The following PRR16 variants were observed in gnomAD, a reference collection of about 807,000 sequenced individuals.
The protein encoded by PRR16 is protein Largen.
In PRR16, 6 loss-of-function variants were observed where a neutral mutation model predicts 18.2. That is an observed-to-expected ratio of 0.33 (90% CI 0.18 to 0.65). The LOEUF is 0.65. Ranked by LOEUF, PRR16 falls within the 30% of genes least tolerant of loss-of-function variation. The probability of loss-of-function intolerance (pLI) is 0.74; values close to 1 mark genes in which losing one functional copy is unlikely to be tolerated. For missense variants in PRR16, 412 were observed against 376.6 expected (o/e 1.09, Z -0.78); for synonymous variants, 151 against 147.8 (o/e 1.02, Z -0.16).
chr5:120,550,496 A>G (rs10452532), intron 1 of PRR16, among the ~76,000 whole-genome samples: 32 of 152,146 alleles, frequency 2.1e-4, no homozygotes, highest in African/African-American at 7.7e-4. Flanking sequence ...GAGAGGAAGA[A>G]CATTTCCATT....
At chr5:120,612,750 T>A (rs2112808125) in intron 1 of PRR16, among the ~76,000 whole-genome samples, 1 of 152,330 alleles carries the variant, frequency 6.6e-6, no homozygotes, top group South Asian at 2.1e-4. Context: ...TTTGATTTGA[T>A]TCTTTTTGCA....
the PRR16 span, among the ~76,000 whole-genome samples, chr5:120,765,512 A>AT: frequency 9.2e-5 from 14 of 152,050 alleles, no homozygotes; most frequent in East Asian, 1.9e-4. Flanking sequence ...TTAAAAGAAC[A>AT]TTTTTTCCTG....
chr5:120,493,791 A>G (rs961473447), intron 1 of PRR16, among the ~76,000 whole-genome samples: 2 of 152,116 alleles, frequency 1.3e-5, no homozygotes, highest in Non-Finnish European at 2.9e-5. Flanking sequence ...ATTATATGTA[A>G]TCTTTTGTGG....
intron 1 of PRR16, among the ~76,000 whole-genome samples, chr5:120,497,775 A>C (rs1750306412): frequency 6.6e-6 from 1 of 151,798 alleles, no homozygotes. Context: ...GTATAAAAAT[A>C]ACATATCATA....
the PRR16 span, among the ~76,000 whole-genome samples, chr5:120,716,808 A>G: frequency 1.3e-5 from 2 of 152,110 alleles, no homozygotes; most frequent in Non-Finnish European, 2.9e-5. Flanking sequence ...GGAGGCGGAG[A>G]TTGCAGTGAG....
chr5:120,702,316 G>A, the PRR16 span, among the ~76,000 whole-genome samples: 3 of 151,754 alleles, frequency 2.0e-5, no homozygotes, highest in Admixed American at 6.6e-5. Context: ...AAGAGGTCGG[G>A]GCATGGAAAT....
At chr5:120,629,462 TA>T (rs757739843) in intron 1 of PRR16, among the ~76,000 whole-genome samples, 10 of 152,120 alleles carry the variant, frequency 6.6e-5, no homozygotes, top group Non-Finnish European at 1.2e-4. Context: ...TCAAATGCTA[TA>T]AAGTATTTCT....
chr5:120,670,932 C>G (rs1262484225), intron 1 of PRR16, among the ~76,000 whole-genome samples: 1 of 152,166 alleles, frequency 6.6e-6, no homozygotes, highest in Non-Finnish European at 1.5e-5. Flanking sequence ...TGACACTTTT[C>G]TGTTTCAACT....
chr5:120,534,703 A>C (rs1255020833), intron 1 of PRR16, among the ~76,000 whole-genome samples: 1 of 152,200 alleles, frequency 6.6e-6, no homozygotes, highest in African/African-American at 2.4e-5. Flanking sequence ...CTAAAGATTC[A>C]GTGAATTTCC....
intron 1 of PRR16, among the ~76,000 whole-genome samples, chr5:120,637,648 G>GA: frequency 6.6e-6 from 1 of 151,946 alleles, no homozygotes; most frequent in East Asian, 1.9e-4. Context: ...GATTTGGGGG[G>GA]AAGGGTGAGG....
intron 1 of PRR16, among the ~76,000 whole-genome samples, chr5:120,663,342 A>G (rs1325213112): frequency 6.6e-6 from 1 of 152,048 alleles, no homozygotes; most frequent in Admixed American, 6.6e-5. Flanking sequence ...ATTCTACTTT[A>G]TTCCATCATC....
chr5:120,498,087 T>G (rs1057118685), intron 1 of PRR16, among the ~76,000 whole-genome samples: 4 of 151,242 alleles, frequency 2.6e-5, no homozygotes, highest in African/African-American at 9.7e-5. Context: ...GTTTGTTTTG[T>G]TTTTGGCATT....
chr5:120,590,184 T>A (rs1053770578), intron 1 of PRR16, among the ~76,000 whole-genome samples: 1 of 150,022 alleles, frequency 6.7e-6, no homozygotes, highest in African/African-American at 2.4e-5. Context: ...TAACAAGTCC[T>A]GATCCCCAAT....
At chr5:120,768,792 A>C in the PRR16 span, among the ~76,000 whole-genome samples, 3 of 151,806 alleles carry the variant, frequency 2.0e-5, no homozygotes, top group African/African-American at 7.2e-5. Context: ...GCAAGAAAAT[A>C]ATCTGAGAAT....
Position 120,640,979 on chromosome 5 carries a change from G to A in PRR16, c.160-44975G>A, listed in dbSNP as rs1030861817. 3.9e-5 allele frequency among the ~76,000 whole-genome samples: 6 copies of A among 152,090 alleles called. No homozygotes were observed. The East Asian group carries it at 1.2e-3, about 29-fold the overall frequency. Reference sequence around the variant, plus strand: ...GCAGTGAATGAGAGAAATATCCATTGCCCAAAATTTTTAAGAAGAGGCGAT... The same window carrying A: ...GCAGTGAATGAGAGAAATATCCATTACCCAAAATTTTTAAGAAGAGGCGAT... On this transcript the variant is annotated intron_variant, in intron 1 of 1. Transcript: ENST00000407149.
chr5:120,699,345 T>C, the PRR16 span, among the ~76,000 whole-genome samples: 1,244 of 152,180 alleles, frequency 8.2e-3, 8 homozygotes, highest in Non-Finnish European at 0.013. Flanking sequence ...CGTCAATAAA[T>C]CAAGCGTGAT....
the PRR16 span, among the ~76,000 whole-genome samples, chr5:120,702,804 G>C: frequency 1.3e-5 from 2 of 152,148 alleles, no homozygotes; most frequent in Non-Finnish European, 2.9e-5. Context: ...GTAAGAAGAG[G>C]CCGCTTACCT....
At chr5:120,643,520 C>G (rs975566822) in intron 1 of PRR16, among the ~76,000 whole-genome samples, 6 of 151,978 alleles carry the variant, frequency 3.9e-5, no homozygotes, top group African/African-American at 1.4e-4. Flanking sequence ...GCTACAAATC[C>G]TTAGAAAAGT....
chr5:120,512,757 G>A (rs995842974), intron 1 of PRR16, among the ~76,000 whole-genome samples: 1 of 151,936 alleles, frequency 6.6e-6, no homozygotes. Context: ...TCTTCACCAC[G>A]CAAAAAAATT....
Sources: allele counts gnomAD v4.1 joint callset (sites outside exome capture counted in the v4.1 genomes callset), GRCh38; gene constraint gnomAD v4.1.1; transcripts MANE v1.5; gene names NCBI Gene and HGNC (gene_info 2026-07-23, HGNC 2026-07-21).